The following SHOC1 variants were observed in gnomAD, a reference collection of about 807,000 sequenced individuals.
The protein encoded by SHOC1 is protein shortage in chiasmata 1 ortholog.
In SHOC1, 136 loss-of-function variants were observed where a neutral mutation model predicts 179.2. The observed-to-expected ratio is 0.76, with a 90% CI of 0.66 to 0.87. SHOC1 has a LOEUF of 0.87. Ranked by LOEUF, SHOC1 falls within the 40% of genes least tolerant of loss-of-function variation. The pLI, the probability that SHOC1 is intolerant of heterozygous loss-of-function variation, is 0.00. For synonymous variants in SHOC1, 489 were observed against 586.6 expected (o/e 0.83, Z 2.41); for missense variants, 1,538 against 1,700.8 (o/e 0.90, Z 1.68).
intron 1 of SHOC1, among the ~76,000 whole-genome samples, chr9:111,791,951 G>C (rs1488147451): frequency 1.3e-5 from 2 of 152,130 alleles, no homozygotes; most frequent in Non-Finnish European, 1.5e-5. Context: ...AAGTGGTCTT[G>C]AAATTGGGTA....
rs1172235901 is a variant in SHOC1, at chr9:111,769,995, T to TTG, written c.442+5795_442+5796insCA. On this transcript the variant is annotated intron_variant, in intron 5 of 27. Coordinates refer to ENST00000682961, the MANE Select transcript of SHOC1 (RefSeq NM_001378211.1). ...CTTCTGTTTTTTTTTTGTTTTTTTT[T>TTG]TTTTTTTTTTTTTAGTCTTAGTTTC... Among the ~76,000 whole-genome samples, 719 of 147,234 alleles carry TTG rather than the reference T, an allele frequency of 4.9e-3. 11 individuals carry two copies. The highest frequency in any genetic ancestry group is 0.017 in the African/African-American group (698 of 40,006).
intron 5 of SHOC1, among the ~76,000 whole-genome samples, chr9:111,774,457 TGG>T (rs1184393370): frequency 3.3e-5 from 5 of 152,104 alleles, no homozygotes; most frequent in African/African-American, 1.2e-4. Context: ...CCACCACACC[TGG>T]CTAATTTTTA....
chr9:111,731,003 G>A (rs775532939), intron 12 of SHOC1, among the ~76,000 whole-genome samples: 3 of 152,190 alleles, frequency 2.0e-5, no homozygotes, highest in African/African-American at 7.2e-5. Context: ...ATGTTACGGA[G>A]ATGACTTTTT....
chr9:111,781,897 C>G (rs1276215220), intron 3 of SHOC1, among the ~76,000 whole-genome samples: 1 of 151,374 alleles, frequency 6.6e-6, no homozygotes, highest in African/African-American at 2.5e-5. Flanking sequence ...TTACCTTGAA[C>G]AAATCATTTA....
At chr9:111,733,278 T>C (rs1308657942) in intron 12 of SHOC1, among the ~76,000 whole-genome samples, 1 of 152,202 alleles carries the variant, frequency 6.6e-6, no homozygotes, top group Non-Finnish European at 1.5e-5. Context: ...CCTTCCAAAA[T>C]GTAGTTTATA....
chr9:111,686,695 A>C lies in SHOC1; in HGVS notation c.*75T>G, dbSNP rs1831175670. 3.2e-6 allele frequency: 3 copies of C among 931,762 alleles called. No homozygotes were observed. Among genetic ancestry groups the C allele is most frequent in the Non-Finnish European group, 5.2e-6 (3 of 575,436 alleles). 57.7% of individuals were successfully genotyped at this position (931,762 alleles called of 1,614,324 possible). A position where few individuals can be genotyped will look rare whatever the true frequency, so the allele number is the denominator to read the frequency against. Reference sequence around the variant, plus strand: ...TTGTGTTTTCTTTAGTGTATGAGCAAATCTAAATAATTGCGCTAGTGGATT... The same window carrying C: ...TTGTGTTTTCTTTAGTGTATGAGCACATCTAAATAATTGCGCTAGTGGATT... On this transcript the variant is annotated 3_prime_UTR_variant, in exon 28 of 28. Coordinates refer to ENST00000682961, the MANE Select transcript of SHOC1 (RefSeq NM_001378211.1).
intron 12 of SHOC1, among the ~76,000 whole-genome samples, chr9:111,731,777 G>T (rs533488247): frequency 4.8e-4 from 73 of 151,986 alleles, no homozygotes; most frequent in Non-Finnish European, 8.4e-4. Flanking sequence ...TCTTTATTGT[G>T]ATATATAACT....
chr9:111,694,070 TC>T (rs1325758529), intron 25 of SHOC1, 122 bp from the exon 26 acceptor site: 6 of 1,067,114 alleles, frequency 5.6e-6, no homozygotes, highest in Admixed American at 2.6e-5. Flanking sequence ...TCGAAAGTGA[TC>T]CATTTTATTC....
intron 10 of SHOC1, among the ~76,000 whole-genome samples, chr9:111,744,568 TCTC>T (rs1180035915): frequency 6.6e-6 from 1 of 152,040 alleles, no homozygotes; most frequent in African/African-American, 2.4e-5. Context: ...CAAATAGCAC[TCTC>T]CTCTGGCAGA....
intron 12 of SHOC1, among the ~76,000 whole-genome samples, chr9:111,728,786 T>A (rs1486732047): frequency 6.6e-6 from 1 of 152,152 alleles, no homozygotes; most frequent in Non-Finnish European, 1.5e-5. Flanking sequence ...AACCATGGAA[T>A]GGTTTACTTT....
chr9:111,710,010 A>T (rs1199191430), intron 18 of SHOC1, among the ~76,000 whole-genome samples: 1 of 152,192 alleles, frequency 6.6e-6, no homozygotes, highest in African/African-American at 2.4e-5. Flanking sequence ...GAGCAGGCAT[A>T]TTTCCTCAGG....
At chr9:111,729,676 T>C (rs555111305) in intron 12 of SHOC1, among the ~76,000 whole-genome samples, 1 of 152,222 alleles carries the variant, frequency 6.6e-6, no homozygotes, top group Non-Finnish European at 1.5e-5. Flanking sequence ...AGGCGGATCA[T>C]GAGGTCAAGA....
rs559938639 is a variant in SHOC1 at position 111,776,424 on chromosome 9, A to G, written c.258-449T>C. 5.3e-5 allele frequency among the ~76,000 whole-genome samples: 8 copies of G among 152,372 alleles called. No individual in the cohort carries two copies. The East Asian group carries it at 1.5e-3, about 29-fold the overall frequency. ...AATCTGAAATATATTTCTTCAAAAC[A>G]GAAATGATAAAGTTAAAAGTATACA... is the stretch of plus-strand genomic sequence containing the variant. On this transcript the variant is annotated intron_variant, in intron 4 of 27. Coordinates refer to ENST00000682961, the MANE Select transcript of SHOC1 (RefSeq NM_001378211.1).
chr9:111,739,880 C>T (rs975010397), intron 11 of SHOC1, among the ~76,000 whole-genome samples: 1 of 142,114 alleles, frequency 7.0e-6, no homozygotes, highest in African/African-American at 2.6e-5. Flanking sequence ...CTTTGAAGCA[C>T]GAGTTGAAGT....
chr9:111,714,884 C>T (rs1156581552), intron 16 of SHOC1, among the ~76,000 whole-genome samples: 4 of 152,192 alleles, frequency 2.6e-5, no homozygotes, highest in African/African-American at 9.6e-5. Context: ...ATCCTGCCTC[C>T]TGGCTTGTTG....
rs79474093 is a variant in SHOC1 at position 111,696,165 on chromosome 9, C to A, written c.3184-1803G>T. 8.2e-3 allele frequency among the ~76,000 whole-genome samples: 1,242 copies of A among 152,202 alleles called. 16 individuals carry two copies. Among genetic ancestry groups the A allele is most frequent in the African/African-American group, 0.027 (1,115 of 41,532 alleles). ...GCAAAGATGGTTCATAAGAAAATTA[C>A]AGAACTTTTAAAAAATTGGAATAAC... On this transcript the variant is annotated intron_variant, in intron 24 of 27. Coordinates refer to ENST00000682961, the MANE Select transcript of SHOC1 (RefSeq NM_001378211.1).
chr9:111,701,752 A>G (rs981735212), intron 23 of SHOC1, among the ~76,000 whole-genome samples: 4 of 152,188 alleles, frequency 2.6e-5, no homozygotes, highest in Non-Finnish European at 4.4e-5. Flanking sequence ...CAAGGTATTT[A>G]GACTCTTACG....
At chr9:111,741,602 A>G in intron 10 of SHOC1, 32 bp from the exon 11 acceptor site, 1 of 1,123,996 alleles carries the variant, frequency 8.9e-7, no homozygotes, top group South Asian at 1.4e-5. Context: ...TAATACATTA[A>G]TAATATTGAG....
At chr9:111,708,067 C>G in intron 18 of SHOC1, 143 bp from the exon 19 acceptor site, 2 of 469,336 alleles carry the variant, frequency 4.3e-6, no homozygotes, top group Non-Finnish European at 7.3e-6. Context: ...GATTATTTTT[C>G]TAAGTTTAGC....
Sources: allele counts gnomAD v4.1 joint callset (sites outside exome capture counted in the v4.1 genomes callset), GRCh38; gene constraint gnomAD v4.1.1; transcripts MANE v1.5; gene names NCBI Gene and HGNC (gene_info 2026-07-23, HGNC 2026-07-21).